Variants in TFEC observed in about 807,000 individuals in gnomAD.
The protein encoded by TFEC is class E basic helix-loop-helix protein 34.
Under a neutral mutation model 41.6 loss-of-function variants are expected in TFEC, and 31 were observed. That is an observed-to-expected ratio of 0.74 (90% CI 0.56 to 1.01). TFEC has a LOEUF of 1.01. Among genes scored for constraint, TFEC ranks in the 50% least tolerant of loss-of-function variants. The probability of loss-of-function intolerance (pLI) is 0.00; values close to 1 mark genes in which losing one functional copy is unlikely to be tolerated. For missense variants in TFEC, 402 were observed against 404.1 expected (o/e 0.99, Z 0.04); for synonymous variants, 143 against 140.6 (o/e 1.02, Z -0.12).
At chr7:116,101,123 AT>A (rs1470281427) in intron 3 of TFEC, among the ~76,000 whole-genome samples, 2 of 151,976 alleles carry the variant, frequency 1.3e-5, no homozygotes, top group Non-Finnish European at 2.9e-5. Flanking sequence ...TTTGAAAATG[AT>A]TGCATTTTGC....
chr7:116,070,003 A>C (rs938539691), intron 3 of TFEC, among the ~76,000 whole-genome samples: 5 of 151,490 alleles, frequency 3.3e-5, no homozygotes, highest in Non-Finnish European at 5.9e-5. Flanking sequence ...AATGTTAAAT[A>C]ATTTGTAGAA....
intron 1 of TFEC, among the ~76,000 whole-genome samples, chr7:116,129,208 C>T (rs1172360341): frequency 6.6e-6 from 1 of 151,868 alleles, no homozygotes; most frequent in East Asian, 1.9e-4. Flanking sequence ...TTCAGGAGTC[C>T]TTCATTCTCT....
At chr7:116,153,595 TTC>T (rs536864921) in intron 1 of TFEC, among the ~76,000 whole-genome samples, 114 of 152,260 alleles carry the variant, frequency 7.5e-4, no homozygotes, top group African/African-American at 2.6e-3. Flanking sequence ...GGTTATTGCT[TTC>T]TGTTTTGCAT....
chr7:116,140,751 G>T (rs1181914398), intron 1 of TFEC, among the ~76,000 whole-genome samples: 1 of 152,102 alleles, frequency 6.6e-6, no homozygotes, highest in Non-Finnish European at 1.5e-5. Context: ...ACCCTCATCT[G>T]ACCCTCCACA....
At chr7:115,999,388 G>A (rs536600832) in intron 1 of TFEC, among the ~76,000 whole-genome samples, 1 of 151,978 alleles carries the variant, frequency 6.6e-6, no homozygotes, top group South Asian at 2.1e-4. Flanking sequence ...AATGAGAAAA[G>A]TAGAAACATT....
chr7:115,976,642 T>C (rs1424353550), intron 2 of TFEC, among the ~76,000 whole-genome samples: 1 of 152,210 alleles, frequency 6.6e-6, no homozygotes, highest in Non-Finnish European at 1.5e-5. Flanking sequence ...AAGTAAATTA[T>C]TGATTGTTAT....
intron 3 of TFEC, among the ~76,000 whole-genome samples, chr7:116,085,376 C>T (rs528234673): frequency 1.3e-5 from 2 of 151,958 alleles, no homozygotes; most frequent in South Asian, 4.2e-4. Context: ...CGGGGATCAG[C>T]TTTTAAATAG....
intron 3 of TFEC, among the ~76,000 whole-genome samples, chr7:116,080,590 A>G (rs1239548512): frequency 6.6e-6 from 1 of 152,170 alleles, no homozygotes; most frequent in African/African-American, 2.4e-5. Context: ...CATATGGAAA[A>G]TTGCTCAACA....
chr7:116,144,833 C>T (rs1798610906), intron 1 of TFEC, among the ~76,000 whole-genome samples: 1 of 152,120 alleles, frequency 6.6e-6, no homozygotes, highest in Non-Finnish European at 1.5e-5. Context: ...TGTTGCCCTG[C>T]CCAGAAGATT....
intron 1 of TFEC, among the ~76,000 whole-genome samples, chr7:116,019,307 A>G (rs1795308449): frequency 6.6e-6 from 1 of 152,218 alleles, no homozygotes. Context: ...CAACATTCTC[A>G]TAAGTGTCCG....
chr7:116,128,516 T>C (rs1427827914), intron 1 of TFEC, among the ~76,000 whole-genome samples: 1 of 152,146 alleles, frequency 6.6e-6, no homozygotes, highest in Non-Finnish European at 1.5e-5. Flanking sequence ...TATGTCAATA[T>C]AACAATTTAA....
chr7:115,944,007 G>A (rs1793647468), intron 6 of TFEC, among the ~76,000 whole-genome samples: 1 of 32,928 alleles, frequency 3.0e-5, no homozygotes. Flanking sequence ...ACTATGACAG[G>A]TCTGAATTTT....
intron 3 of TFEC, among the ~76,000 whole-genome samples, chr7:116,076,149 G>C (rs771658951): frequency 1.3e-5 from 2 of 152,124 alleles, no homozygotes; most frequent in Non-Finnish European, 2.9e-5. Context: ...AGCTCCACTG[G>C]GTGGCTAGAC....
intron 3 of TFEC, among the ~76,000 whole-genome samples, chr7:116,098,554 C>T (rs1320106567): frequency 1.3e-5 from 2 of 151,526 alleles, no homozygotes; most frequent in East Asian, 3.9e-4. Flanking sequence ...AACAACAGTT[C>T]ATCAACATAT....
intron 1 of TFEC, among the ~76,000 whole-genome samples, chr7:116,129,189 G>A (rs1448275076): frequency 6.6e-6 from 1 of 152,054 alleles, no homozygotes; most frequent in Non-Finnish European, 1.5e-5. Flanking sequence ...TTTGTCGAAG[G>A]GTTCTTTTTT....
At chr7:115,965,100 ACATT>A (rs1391716523) in intron 3 of TFEC, among the ~76,000 whole-genome samples, 1 of 151,582 alleles carries the variant, frequency 6.6e-6, no homozygotes, top group Non-Finnish European at 1.5e-5. Context: ...GTATAGTTTT[ACATT>A]AATTAAGTTT....
chr7:116,062,270 A>G (rs1399418603), intron 3 of TFEC, among the ~76,000 whole-genome samples: 4 of 103,574 alleles, frequency 3.9e-5, no homozygotes, highest in African/African-American at 1.3e-4. Flanking sequence ...TTTAGTAGAG[A>G]CAGTGTTTCA....
chr7:116,047,668 A>G (rs573772406), intron 3 of TFEC, among the ~76,000 whole-genome samples: 100 of 152,324 alleles, frequency 6.6e-4, no homozygotes, highest in African/African-American at 2.4e-3. Flanking sequence ...CTCCCAGCAC[A>G]GAGTTTGAGA....
chr7:115,978,964 C>T (rs1397421980), intron 2 of TFEC, among the ~76,000 whole-genome samples: 1 of 152,138 alleles, frequency 6.6e-6, no homozygotes, highest in African/African-American at 2.4e-5. Context: ...ATTTCAAAGA[C>T]CATCCGTATG....
Sources: gnomAD v4.1 joint callset for allele counts (sites outside exome capture counted in the v4.1 genomes callset) on GRCh38, gnomAD v4.1.1 for gene constraint, MANE v1.5 for transcripts, NCBI Gene and HGNC (gene_info 2026-07-23, HGNC 2026-07-21) for gene names.